Variants in VCAN observed in about 807,000 individuals in gnomAD.
VCAN encodes versican, also known as versican core protein.
In VCAN, 44 loss-of-function variants were observed where a neutral mutation model predicts 245.5. That is an observed-to-expected ratio of 0.18 (90% confidence interval 0.14 to 0.23). The LOEUF (loss-of-function observed/expected upper bound fraction) is 0.23. Among genes scored for constraint, VCAN ranks in the 10% least tolerant of loss-of-function variants. The probability of loss-of-function intolerance (pLI) is 1.00; values close to 1 mark genes in which losing one functional copy is unlikely to be tolerated. For missense variants in VCAN, 3,793 were observed against 4,057.9 expected (o/e 0.93, Z 1.77); for synonymous variants, 1,413 against 1,437.0 (o/e 0.98, Z 0.38).
At position 83,475,920 on chromosome 5, in the gene VCAN, G is replaced by C. The variant is rs76859504; in HGVS notation, c.-7+3897G>C. 1.4e-4 allele frequency among the ~76,000 whole-genome samples: 22 copies of C among 152,258 alleles called. No individual in the cohort carries two copies. The East Asian group carries it at 4.1e-3, about 28-fold the overall frequency. ...TTGTATTTCCTGCTTTCAAAAAAAC[G>C]AGGTTTGAAAGGAATCCCCCTAGAT... is the stretch of plus-strand genomic sequence containing the variant. On this transcript the variant is annotated intron_variant, in intron 1 of 14. Coordinates refer to ENST00000265077, the MANE Select transcript of VCAN (RefSeq NM_004385.5).
chr5:83,529,391 A>G (rs1471787058), intron 7 of VCAN, among the ~76,000 whole-genome samples: 1 of 151,678 alleles, frequency 6.6e-6, no homozygotes, highest in Non-Finnish European at 1.5e-5. Flanking sequence ...ATAAAAAATA[A>G]CACAAATAAA....
At chr5:83,516,228 G>A (rs1236042139) in intron 6 of VCAN, among the ~76,000 whole-genome samples, 3 of 152,132 alleles carry the variant, frequency 2.0e-5, no homozygotes, top group African/African-American at 7.2e-5. Context: ...AGCTTGCAGT[G>A]AGACAAGATT....
At chr5:83,506,944 C>G (rs868030878) in intron 5 of VCAN, among the ~76,000 whole-genome samples, 2 of 152,100 alleles carry the variant, frequency 1.3e-5, no homozygotes, top group African/African-American at 4.8e-5. Flanking sequence ...GAGAATAGCA[C>G]GGGGAAGACT....
rs1254052573 is a variant in VCAN, at chr5:83,582,147, T to C, written c.*1713T>C. 1 of 152,178 alleles carries C rather than the reference T, an allele frequency of 6.6e-6. No individual in the cohort carries two copies. Among genetic ancestry groups the C allele is most frequent in the Non-Finnish European group, 1.5e-5 (1 of 68,018 alleles). The allele number at this position is 152,178 out of a possible 1,614,324, so 9.4% of individuals were successfully genotyped here. A position where few individuals can be genotyped will look rare whatever the true frequency, so the allele number is the denominator to read the frequency against. On this transcript the variant is annotated 3_prime_UTR_variant, in exon 15 of 15. Transcript: ENST00000265077. ...AGTAGGTTTCTATTTTTCCTTTCTC[T>C]TTACAATGCACATAATACTTTCCTG...
intron 7 of VCAN, among the ~76,000 whole-genome samples, chr5:83,529,097 A>G (rs138744942): frequency 6.5e-4 from 99 of 152,114 alleles, no homozygotes; most frequent in African/African-American, 2.2e-3. Flanking sequence ...CAGTCAAATA[A>G]TTACAATATA....
intron 3 of VCAN, 55 bp from the exon 4 acceptor site, chr5:83,493,491 A>G (rs1745048448): frequency 3.7e-6 from 6 of 1,611,114 alleles, no homozygotes; most frequent in Non-Finnish European, 3.4e-6. Flanking sequence ...GAAATTTTGC[A>G]CAGTGCAGTG....
chr5:83,520,770 G>T lies in VCAN; in HGVS notation c.2464G>T (p.Ala822Ser), dbSNP rs778366910. ...GCCTTTAGAGTCTACAGAACCTTCAGCCTCTTCAAAATTGCCCCCTGCCTT... is the reference window on the plus strand; with the variant it reads ...GCCTTTAGAGTCTACAGAACCTTCATCCTCTTCAAAATTGCCCCCTGCCTT... ...SKPLESTEPS[A>S]SSKLPPALLT... The change falls in exon 7 of 15, where the codon GCC (alanine) becomes TCC (serine). Residue 822 changes from alanine (A) to serine (S), a missense_variant. Around this residue, in one of 5 missense-constraint regions of VCAN, gnomAD observed 3,182 missense variants for 3,250.3 expected, o/e 0.98. Coordinates refer to ENST00000265077, the MANE Select transcript of VCAN (RefSeq NM_004385.5). 6.2e-7 allele frequency: 1 copy of T among 1,613,954 alleles called. No homozygotes were observed. Among genetic ancestry groups the T allele is most frequent in the African/African-American group, 1.3e-5 (1 of 74,894 alleles).
At chr5:83,575,846 C>T (rs948397883) in intron 13 of VCAN, among the ~76,000 whole-genome samples, 9 of 152,072 alleles carry the variant, frequency 5.9e-5, no homozygotes, top group Non-Finnish European at 1.3e-4. Context: ...TTATAAAATA[C>T]TGGTTCTACC....
intron 8 of VCAN, among the ~76,000 whole-genome samples, chr5:83,543,796 T>G (rs1253705397): frequency 1.3e-5 from 2 of 152,220 alleles, no homozygotes; most frequent in Non-Finnish European, 2.9e-5. Context: ...GTTTGCGTCT[T>G]CATTGCAAAA....
rs777078227 is a variant in VCAN at position 83,572,424 on chromosome 5, G to A, written c.9744G>A (p.Glu3248=). Residue 3248 remains glutamate (E), a synonymous_variant, in exon 13 of 15, where the codon GAG becomes GAA. Transcript: ENST00000265077. ...RWTDGSTLQY[E]NWRPNQPDSF... ...TCCCTCCATTTTTACAGCAATACGA[G>A]AATTGGAGACCCAACCAGCCAGACA... 1 of 1,613,878 alleles carries A rather than the reference G, an allele frequency of 6.2e-7. No individual in the cohort carries two copies. Among genetic ancestry groups the A allele is most frequent in the Non-Finnish European group, 8.5e-7 (1 of 1,179,864 alleles).
chr5:83,553,987 G>A (rs1041412237), intron 11 of VCAN, among the ~76,000 whole-genome samples: 2 of 152,124 alleles, frequency 1.3e-5, no homozygotes, highest in African/African-American at 4.8e-5. Context: ...TGGGCATATT[G>A]ATTCTCATTC....
intron 1 of VCAN, among the ~76,000 whole-genome samples, chr5:83,475,425 C>CTAAT (rs1264280438): frequency 6.6e-6 from 1 of 152,150 alleles, no homozygotes; most frequent in Non-Finnish European, 1.5e-5. Context: ...AAGCTGTGAC[C>CTAAT]TAATTGTTTT....
Position 83,519,566 on chromosome 5 carries a change from C to T in VCAN, c.1260C>T (p.Ala420=), listed in dbSNP as rs1236011385. 5.6e-6 allele frequency: 9 copies of T among 1,614,102 alleles called. No individual in the cohort carries two copies. The highest frequency in any genetic ancestry group is 7.6e-6 in the Non-Finnish European group (9 of 1,179,982). The change falls in exon 7 of 15, where the codon GCC becomes GCT. Residue 420 remains alanine, a synonymous_variant. Coordinates refer to ENST00000265077, the MANE Select transcript of VCAN (RefSeq NM_004385.5). ...CTCAGGCTATCACAGATAGTTTAGC[C>T]ACCAAATTACCCACACCTACTGGCA... ...VQPQAITDSL[A]TKLPTPTGST... is the part of the protein sequence containing the mutation.
rs1437286073 is a variant in VCAN, at chr5:83,537,599, G to A, written c.4596G>A (p.Gln1532=). The change falls in exon 8 of 15, where the codon CAG becomes CAA. Residue 1532 remains glutamine (Q), a synonymous_variant. Transcript: ENST00000265077. ...VTERDTEVGH[Q]AHEHTEPVSL... ...AGAGAGATACTGAAGTTGGTCATCA[G>A]GCACATGAACATACTGAACCTGTAT... 2 of 1,613,688 alleles carry A rather than the reference G, an allele frequency of 1.2e-6. No individual in the cohort carries two copies. The highest frequency in any genetic ancestry group is 1.3e-5 in the African/African-American group (1 of 74,900).
chr5:83,489,660 T>C (rs996157371), intron 2 of VCAN, among the ~76,000 whole-genome samples: 2 of 152,220 alleles, frequency 1.3e-5, no homozygotes, highest in African/African-American at 4.8e-5. Flanking sequence ...ATGTGGCAGT[T>C]ATTGTAACAA....
At chr5:83,472,187 A>C in intron 1 of VCAN, among the ~76,000 whole-genome samples, 164 bp downstream of exon 1, 1 of 152,186 alleles carries the variant, frequency 6.6e-6, no homozygotes, top group Non-Finnish European at 1.5e-5. Context: ...AAATGCAGGT[A>C]ACTTTCATAA....
intron 12 of VCAN, among the ~76,000 whole-genome samples, chr5:83,571,444 C>T (rs759783122): frequency 6.6e-6 from 1 of 152,020 alleles, no homozygotes; most frequent in Non-Finnish European, 1.5e-5. Flanking sequence ...AGAGACAATG[C>T]ATATCAAGTA....
Position 83,557,379 on chromosome 5 carries a change from G to A in VCAN, c.9735+2341G>A, listed in dbSNP as rs141064448. Among the ~76,000 whole-genome samples the A allele has an allele frequency of 1.7e-3, 266 of 152,026 alleles. 1 individual carries two copies. Among genetic ancestry groups the A allele is most frequent in the Admixed American group, 0.014 (216 of 15,240 alleles). On this transcript the variant is annotated intron_variant, in intron 12 of 14. Transcript: ENST00000265077. ...TTCTTTCCCCTGCTTTTTATTTCTCGTGGTGTCTGAAATAAAGTGTTATCC... is the reference window on the plus strand; with the variant it reads ...TTCTTTCCCCTGCTTTTTATTTCTCATGGTGTCTGAAATAAAGTGTTATCC...
intron 12 of VCAN, among the ~76,000 whole-genome samples, chr5:83,571,325 C>T (rs1427872942): frequency 6.6e-6 from 1 of 152,076 alleles, no homozygotes; most frequent in Non-Finnish European, 1.5e-5. Context: ...ATTATTGTTG[C>T]CAGGAAGGCA....
Sources: allele counts gnomAD v4.1 joint callset (sites outside exome capture counted in the v4.1 genomes callset), GRCh38; gene constraint gnomAD v4.1.1; regional missense constraint gnomAD v4.1.1; transcripts MANE v1.5; gene names NCBI Gene and HGNC (gene_info 2026-07-23, HGNC 2026-07-21).